The following BRIP1 variants were observed in gnomAD, a reference collection of about 807,000 sequenced individuals.
BRIP1 encodes BRCA1 interacting DNA helicase 1.
BRIP1 carries 88 observed loss-of-function variants against 119.7 expected under a neutral mutation model. The ratio of observed to expected loss-of-function variants is 0.74; its 90% CI spans 0.62 to 0.88. The LOEUF (loss-of-function observed/expected upper bound fraction) is 0.88, where lower values mean the gene tolerates loss of function less well. Ranked by LOEUF, BRIP1 falls within the 40% of genes least tolerant of loss-of-function variation. The pLI, the probability that BRIP1 is intolerant of heterozygous loss-of-function variation, is 0.00. For missense variants in BRIP1, 1,259 were observed against 1,455.4 expected, an observed-to-expected ratio of 0.87 and a Z score of 2.20; for synonymous variants, 443 against 496.5, an observed-to-expected ratio of 0.89 and a Z score of 1.43.
Position 61,862,436 on chromosome 17 carries a change from A to T in BRIP1, c.-31+848T>A, listed in dbSNP as rs1245226999. On this transcript the variant is annotated intron_variant, in intron 1 of 19. Coordinates refer to ENST00000259008, the MANE Select transcript of BRIP1 (RefSeq NM_032043.3). The surrounding 1 kb of genome is among the most constrained non-coding windows in gnomAD (Gnocchi z 5.3). The stretch of plus-strand genomic sequence containing the variant: ...CTACTACTTACCTGACAGGGTTTTT[A>T]TGAAAATTAGCCAGGGCAGAATGTA... 2.0e-5 allele frequency among the ~76,000 whole-genome samples: 3 copies of T among 152,202 alleles called. No homozygotes were observed. Among genetic ancestry groups the T allele is most frequent in the Admixed American group, 1.3e-4 (2 of 15,282 alleles).
At position 61,735,927 on chromosome 17, in the gene BRIP1, T is replaced by C. The variant is rs1355255361; in HGVS notation, c.2379+7086A>G. On this transcript the variant is annotated intron_variant, in intron 16 of 19. Coordinates refer to ENST00000259008, the MANE Select transcript of BRIP1 (RefSeq NM_032043.3). The surrounding 1 kb of genome is among the most constrained non-coding windows in gnomAD (Gnocchi z 4.4). ...CAACACTCTGATTGCAGCAGTTTTG[T>C]GGAACCCTGACCCAGCTAAGCCATG... 6.6e-6 allele frequency among the ~76,000 whole-genome samples: 1 copy of C among 152,156 alleles called. No homozygotes were observed. The highest frequency in any genetic ancestry group is 6.5e-5 in the Admixed American group (1 of 15,272).
chr17:61,785,273 T>C (rs2077688555), intron 10 of BRIP1, among the ~76,000 whole-genome samples: 1 of 152,182 alleles, frequency 6.6e-6, no homozygotes, highest in South Asian at 2.1e-4. Flanking sequence ...TAACAAAATG[T>C]ATGTTAACTG....
In BRIP1 at chr17:61,802,133, A is replaced by T. The variant is rs923975486; in HGVS notation, c.919-659T>A. Among the ~76,000 whole-genome samples the T allele has an allele frequency of 1.3e-5, 2 of 152,178 alleles. No individual in the cohort carries two copies. Among genetic ancestry groups the T allele is most frequent in the African/African-American group, 4.8e-5 (2 of 41,438 alleles). ...ATTTCATTTCATATTTCTTCTATAC[A>T]TGTGTATATAAGGATATCTCTACAA... On this transcript the variant is annotated intron_variant, in intron 7 of 19. Transcript: ENST00000259008. This position sits in a 1 kb window ranked among gnomAD's most constrained non-coding sequence, Gnocchi z 6.0.
chr17:61,820,648 G>C (rs1170043312), intron 6 of BRIP1, among the ~76,000 whole-genome samples: 2 of 152,062 alleles, frequency 1.3e-5, no homozygotes, highest in Non-Finnish European at 2.9e-5. Flanking sequence ...TGCCAACCCT[G>C]GTTACAAAAG....
rs146091205 is a variant in BRIP1 at position 61,743,075 on chromosome 17, C to T, written c.2317G>A (p.Asp773Asn). The T allele has an allele frequency of 3.1e-6, 5 of 1,613,830 alleles. No homozygotes were observed. The highest frequency in any genetic ancestry group is 4.2e-6 in the Non-Finnish European group (5 of 1,179,886). Reference sequence around the variant, plus strand: ...GTTATGACAGCACGGGCATTGTCATCTGAGAAATCCAGACCCTCACTCACT... The same window carrying T: ...GTTATGACAGCACGGGCATTGTCATTTGAGAAATCCAGACCCTCACTCACT... Reference protein sequence around the residue: ...GKVSEGLDFSDDNARAVITIG... With the variant: ...GKVSEGLDFSNDNARAVITIG... Residue 773 changes from aspartate to asparagine, a missense_variant, in exon 16 of 20, where the codon GAT becomes AAT. Around this residue, in one of 3 missense-constraint regions of BRIP1, gnomAD observed 753 missense variants for 891.8 expected, o/e 0.84. Transcript: ENST00000259008. This position sits in a 1 kb window ranked among gnomAD's most constrained non-coding sequence, Gnocchi z 4.3.
In BRIP1 at chr17:61,748,660, A is replaced by T. The variant is rs1194067145; in HGVS notation, c.2098-4069T>A. 6.6e-6 allele frequency among the ~76,000 whole-genome samples: 1 copy of T among 152,218 alleles called. No homozygotes were observed. Among genetic ancestry groups the T allele is most frequent in the Non-Finnish European group, 1.5e-5 (1 of 68,024 alleles). ...AAGAGAATAGAGAGCCTGGAAATAA[A>T]TCCACACATGTATGATCAACTGATC... On this transcript the variant is annotated intron_variant, in intron 14 of 19. Transcript: ENST00000259008. This position sits in a 1 kb window ranked among gnomAD's most constrained non-coding sequence, Gnocchi z 4.7.
chr17:61,845,882 G>GT lies in BRIP1; in HGVS notation c.627+1218dup, dbSNP rs1030345847. ...TCAAAGACATTCTTAAATGAAACTGGTTTTTTTTCAAAACTGTGATCTAAT... is the reference window on the plus strand; with the variant it reads ...TCAAAGACATTCTTAAATGAAACTGGTTTTTTTTTCAAAACTGTGATCTAAT... On this transcript the variant is annotated intron_variant, in intron 6 of 19. Transcript: ENST00000259008. The surrounding 1 kb of genome is among the most constrained non-coding windows in gnomAD (Gnocchi z 4.2). 1.3e-5 allele frequency among the ~76,000 whole-genome samples: 2 copies of GT among 151,652 alleles called. No individual in the cohort carries two copies. The highest frequency in any genetic ancestry group is 2.9e-5 in the Non-Finnish European group (2 of 67,922).
At chr17:61,723,762 A>G (rs544266338) in intron 16 of BRIP1, among the ~76,000 whole-genome samples, 4 of 152,300 alleles carry the variant, frequency 2.6e-5, no homozygotes, top group South Asian at 2.1e-4. Context: ...CCCATCCCCA[A>G]TAAATTAGTG....
rs876658531 is a variant in BRIP1 at position 61,784,362 on chromosome 17, C to T, written c.1536G>A (p.Glu512=). 5 of 1,613,306 alleles carry T rather than the reference C, an allele frequency of 3.1e-6. No homozygotes were observed. The highest frequency in any genetic ancestry group is 2.5e-6 in the Non-Finnish European group (3 of 1,179,370). The change falls in exon 11 of 20, where the codon GAG becomes GAA. Residue 512 remains glutamate (E), a synonymous_variant. Transcript: ENST00000259008. ...EKISPIYGKE[E]AREVPVISAS... ...CACTAATAACAGGTACTTCTCTTGC[C>T]TCCTCTTTACCATAAATTGGTGAGA...
Position 61,710,885 on chromosome 17 carries a change from AT to A in BRIP1, c.2492+5065del. Among the ~76,000 whole-genome samples, 1 of 152,192 alleles carries A rather than the reference AT, an allele frequency of 6.6e-6. No homozygotes were observed. Among genetic ancestry groups the A allele is most frequent in the South Asian group, 2.1e-4 (1 of 4,826 alleles). On this transcript the variant is annotated intron_variant, in intron 17 of 19. Transcript: ENST00000259008. This position sits in a 1 kb window ranked among gnomAD's most constrained non-coding sequence, Gnocchi z 5.4. Reference sequence around the variant, plus strand: ...GTGAAACCCCGTCTCTACTAAAAATATAAAAATTAGCTGGGCATGGTAGTGC... The same window carrying A: ...GTGAAACCCCGTCTCTACTAAAAATAAAAAATTAGCTGGGCATGGTAGTGC...
chr17:61,733,965 T>A lies in BRIP1; in HGVS notation c.2379+9048A>T, dbSNP rs182064996. On this transcript the variant is annotated intron_variant, in intron 16 of 19. Transcript: ENST00000259008. The stretch of plus-strand genomic sequence containing the variant: ...AACATTTTAAAAATATAAACATTTT[T>A]AGCCATATGCCATGGTTTTATACAT... Among the ~76,000 whole-genome samples, 3 of 152,322 alleles carry A rather than the reference T, an allele frequency of 2.0e-5. No homozygotes were observed. In the East Asian group the frequency reaches 5.8e-4, roughly 29 times the overall value.
chr17:61,780,365 C>T lies in BRIP1; in HGVS notation c.1831G>A (p.Val611Ile), dbSNP rs777741543. 6 of 1,610,578 alleles carry T rather than the reference C, an allele frequency of 3.7e-6. No individual in the cohort carries two copies. In the African/African-American group the frequency reaches 6.7e-5, roughly 18 times the overall value. The change falls in exon 13 of 20, where the codon GTT (valine) becomes ATT (isoleucine). Residue 611 changes from valine to isoleucine, a missense_variant. Physicochemically the swap from Val to Ile is conservative, Grantham distance 29. Coordinates refer to ENST00000259008, the MANE Select transcript of BRIP1 (RefSeq NM_032043.3). The surrounding 1 kb of genome is among the most constrained non-coding windows in gnomAD (Gnocchi z 5.4). ...GGTGATAATGTACCAGATGTCAAAA[C>T]AATGGTCTGAACTTTGCCATTAATA... The part of the protein sequence containing the change: ...SDINGKVQTI[V>I]LTSGTLSPMK...
rs1463583924 is a variant in BRIP1 at position 61,679,288 on chromosome 17, T to G, written c.*4008A>C. On this transcript the variant is annotated 3_prime_UTR_variant, in exon 20 of 20. Coordinates refer to ENST00000259008, the MANE Select transcript of BRIP1 (RefSeq NM_032043.3). The surrounding 1 kb of genome is among the most constrained non-coding windows in gnomAD (Gnocchi z 4.4). ...TAGAAACTTAGAAACAGTGCCAAATTTAAACCCATGTAATAACTAAGTGCA... is the reference window on the plus strand; with the variant it reads ...TAGAAACTTAGAAACAGTGCCAAATGTAAACCCATGTAATAACTAAGTGCA... Among the ~76,000 whole-genome samples the G allele has an allele frequency of 6.6e-6, 1 of 152,184 alleles. No homozygotes were observed. The highest frequency in any genetic ancestry group is 1.5e-5 in the Non-Finnish European group (1 of 68,024).
intron 16 of BRIP1, among the ~76,000 whole-genome samples, chr17:61,716,757 A>G (rs1005058428): frequency 2.6e-4 from 2 of 7,630 alleles, no homozygotes; most frequent in Non-Finnish European, 5.1e-4. Flanking sequence ...CTTTTGGATC[A>G]ATCAAGTTCC....
Position 61,683,910 on chromosome 17 carries a change from C to T in BRIP1, c.3136G>A (p.Val1046Ile), listed in dbSNP as rs1555572824. 6.2e-7 allele frequency: 1 copy of T among 1,614,190 alleles called. No individual in the cohort carries two copies. Among genetic ancestry groups the T allele is most frequent in the Non-Finnish European group, 8.5e-7 (1 of 1,180,034 alleles). Reference protein sequence around the residue: ...FKTEKMESKTVLPFTDKCESS... With the variant: ...FKTEKMESKTILPFTDKCESS... Reference sequence around the variant, plus strand: ...TCACATTTATCAGTGAAGGGCAAAACAGTTTTACTTTCCATCTTCTCTGTT... The same window carrying T: ...TCACATTTATCAGTGAAGGGCAAAATAGTTTTACTTTCCATCTTCTCTGTT... Residue 1046 changes from valine to isoleucine, a missense_variant, in exon 20 of 20, where the codon GTT becomes ATT. Transcript: ENST00000259008. This position sits in a 1 kb window ranked among gnomAD's most constrained non-coding sequence, Gnocchi z 4.7.
chr17:61,745,248 C>T lies in BRIP1; in HGVS notation c.2098-657G>A, dbSNP rs371221467. Among the ~76,000 whole-genome samples the T allele has an allele frequency of 1.8e-4, 28 of 152,270 alleles. 2 individuals carry two copies. The highest frequency in any genetic ancestry group is 6.0e-4 in the African/African-American group (25 of 41,556). On this transcript the variant is annotated intron_variant, in intron 14 of 19. Transcript: ENST00000259008. The surrounding 1 kb of genome is among the most constrained non-coding windows in gnomAD (Gnocchi z 4.4). ...GGCTAGATTACAAAAGGACATTCAA[C>T]AAATTTTAAGCAATCCTTATCATAT... is the stretch of plus-strand genomic sequence containing the variant.
Position 61,846,666 on chromosome 17 carries a change from C to T in BRIP1, c.627+435G>A, listed in dbSNP as rs1030768302. Reference sequence around the variant, plus strand: ...CCTCCCAAAGTGCTGGGATTACAGGCGTGAGCCACCACGCCTGGCCTACAA... The same window carrying T: ...CCTCCCAAAGTGCTGGGATTACAGGTGTGAGCCACCACGCCTGGCCTACAA... On this transcript the variant is annotated intron_variant, in intron 6 of 19. Coordinates refer to ENST00000259008, the MANE Select transcript of BRIP1 (RefSeq NM_032043.3). This position sits in a 1 kb window ranked among gnomAD's most constrained non-coding sequence, Gnocchi z 4.3. Among the ~76,000 whole-genome samples the T allele has an allele frequency of 2.4e-5, 3 of 123,956 alleles. No individual in the cohort carries two copies. Among genetic ancestry groups the T allele is most frequent in the African/African-American group, 6.6e-5 (1 of 15,262 alleles). The allele number at this position is 123,956 out of a possible 152,430, so 81.3% of individuals were successfully genotyped here.
In BRIP1 at chr17:61,708,830, G is replaced by C. The variant is rs2061731677; in HGVS notation, c.2492+7121C>G. On this transcript the variant is annotated intron_variant, in intron 17 of 19. Transcript: ENST00000259008. The surrounding 1 kb of genome is among the most constrained non-coding windows in gnomAD (Gnocchi z 4.4). The stretch of plus-strand genomic sequence containing the variant: ...TTTGTAGATATTTTCTCATGGGGTG[G>C]TCAGTTTCCCTAAAAAGGAATTCTA... 6.6e-6 allele frequency among the ~76,000 whole-genome samples: 1 copy of C among 152,146 alleles called. No individual in the cohort carries two copies. Among genetic ancestry groups the C allele is most frequent in the Non-Finnish European group, 1.5e-5 (1 of 68,030 alleles).
In BRIP1 at chr17:61,695,163, CT is replaced by C. The variant is rs2061503083; in HGVS notation, c.2493-1652del. On this transcript the variant is annotated intron_variant, in intron 17 of 19. Transcript: ENST00000259008. This position sits in a 1 kb window ranked among gnomAD's most constrained non-coding sequence, Gnocchi z 4.3. ...CTGTCTTTGATCCACTTTGAGTTAA[CT>C]TTTGTATATGGTGTGAGGTAGGAGT... Among the ~76,000 whole-genome samples the C allele has an allele frequency of 6.6e-6, 1 of 151,946 alleles. No homozygotes were observed. Among genetic ancestry groups the C allele is most frequent in the African/African-American group, 2.4e-5 (1 of 41,394 alleles).
Sources: allele counts gnomAD v4.1 joint callset (sites outside exome capture counted in the v4.1 genomes callset), GRCh38; gene constraint gnomAD v4.1.1; regional missense constraint gnomAD v4.1.1; non-coding constraint Gnocchi (gnomAD v3.1); transcripts MANE v1.5; gene names NCBI Gene and HGNC (gene_info 2026-07-23, HGNC 2026-07-21).